LRP1B: variants seen among roughly 807,000 people sequenced by gnomAD.
LRP1B encodes low-density lipoprotein receptor-related protein 1B.
In LRP1B, 217 loss-of-function variants were observed where a neutral mutation model predicts 556.6. That is an observed-to-expected ratio of 0.39 (90% CI 0.35 to 0.44). The LOEUF is 0.44. LRP1B is among the 20% of genes least tolerant of loss of function. The pLI is 1.00. For synonymous variants in LRP1B, 2,047 were observed against 1,865.8 expected, an observed-to-expected ratio of 1.10 and a Z score of -2.50; for missense variants, 5,053 against 5,620.8, an observed-to-expected ratio of 0.90 and a Z score of 3.23.
At chr2:141,124,911 G>A (rs943144314) in intron 7 of LRP1B, among the ~76,000 whole-genome samples, 5 of 152,206 alleles carry the variant, frequency 3.3e-5, no homozygotes, top group African/African-American at 1.2e-4. Context: ...AGAGTCAGCC[G>A]TGTCTGTTTT....
chr2:141,453,649 G>A (rs974305554), intron 3 of LRP1B, among the ~76,000 whole-genome samples: 2 of 151,980 alleles, frequency 1.3e-5, no homozygotes, highest in South Asian at 2.1e-4. Context: ...TGGGCTCAGC[G>A]GCCCACACCT....
At chr2:141,588,071 T>C (rs1285042372) in intron 2 of LRP1B, among the ~76,000 whole-genome samples, 1 of 151,988 alleles carries the variant, frequency 6.6e-6, no homozygotes, top group African/African-American at 2.4e-5. Flanking sequence ...AGTTTTGCCA[T>C]GTAAGTATTT....
At chr2:140,500,496 A>G (rs1305744992) in intron 55 of LRP1B, among the ~76,000 whole-genome samples, 1 of 152,012 alleles carries the variant, frequency 6.6e-6, no homozygotes, top group Non-Finnish European at 1.5e-5. Flanking sequence ...TAGCCACTGC[A>G]GAAACACTTT....
intron 1 of LRP1B, among the ~76,000 whole-genome samples, chr2:141,811,297 T>A (rs941151612): frequency 1.3e-5 from 2 of 152,066 alleles, no homozygotes; most frequent in Non-Finnish European, 2.9e-5. Flanking sequence ...AATTTTGTTG[T>A]ATGTATATAA....
chr2:141,925,487 G>T (rs559902253), intron 1 of LRP1B, among the ~76,000 whole-genome samples: 1 of 152,250 alleles, frequency 6.6e-6, no homozygotes, highest in East Asian at 1.9e-4. Context: ...AGCTAAAGGA[G>T]AGGAATTCAT....
intron 43 of LRP1B, among the ~76,000 whole-genome samples, chr2:140,550,235 A>G (rs970569040): frequency 6.6e-6 from 1 of 152,006 alleles, no homozygotes; most frequent in African/African-American, 2.4e-5. Context: ...GGGTTTCTTC[A>G]TCTGTTTTCT....
chr2:141,918,473 G>A lies in LRP1B; in HGVS notation c.83-108072C>T, dbSNP rs936843240. Among the ~76,000 whole-genome samples, 5 of 151,916 alleles carry A rather than the reference G, an allele frequency of 3.3e-5. No individual in the cohort carries two copies. The East Asian group carries it at 7.7e-4, about 23-fold the overall frequency. On this transcript the variant is annotated intron_variant, in intron 1 of 90. Coordinates refer to ENST00000389484, the MANE Select transcript of LRP1B (RefSeq NM_018557.3). ...GATTTTTTTTCAGTTTTGAAAGGTA[G>A]GAGGCAAAGAAACTGGAGAAGAGAA...
intron 7 of LRP1B, among the ~76,000 whole-genome samples, chr2:141,172,788 A>G (rs1296215887): frequency 6.6e-6 from 1 of 152,056 alleles, no homozygotes; most frequent in Non-Finnish European, 1.5e-5. Flanking sequence ...TTCTCTACTA[A>G]GCAACCTGGA....
At chr2:141,794,895 C>G (rs1051875065) in intron 2 of LRP1B, among the ~76,000 whole-genome samples, 5 of 151,970 alleles carry the variant, frequency 3.3e-5, no homozygotes, top group African/African-American at 9.7e-5. Flanking sequence ...GTACACACAA[C>G]TATATTGGGT....
At chr2:140,557,087 T>G (rs1335262731) in intron 43 of LRP1B, among the ~76,000 whole-genome samples, 33 of 152,110 alleles carry the variant, frequency 2.2e-4, no homozygotes, top group Admixed American at 2.0e-3. Flanking sequence ...TAACTATGCA[T>G]CTAGTTTTCA....
chr2:141,167,728 G>A (rs1216277036), intron 7 of LRP1B, among the ~76,000 whole-genome samples: 1 of 151,806 alleles, frequency 6.6e-6, no homozygotes, highest in African/African-American at 2.4e-5. Context: ...TTTATTTGAT[G>A]TCTCATATTC....
At chr2:140,468,866 G>A (rs531678281) in intron 60 of LRP1B, among the ~76,000 whole-genome samples, 1 of 152,102 alleles carries the variant, frequency 6.6e-6, no homozygotes, top group East Asian at 1.9e-4. Flanking sequence ...TCTCCTTTTT[G>A]GAATGGAAAT....
chr2:141,247,207 A>G lies in LRP1B; in HGVS notation c.592+19T>C, dbSNP rs1221307866. The G allele has an allele frequency of 2.0e-5, 33 of 1,612,904 alleles. No homozygotes were observed. The highest frequency in any genetic ancestry group is 2.8e-5 in the Non-Finnish European group (33 of 1,179,490). On this transcript the variant is annotated intron_variant, in intron 5 of 90. Coordinates refer to ENST00000389484, the MANE Select transcript of LRP1B (RefSeq NM_018557.3). ...ACAAGTAATTCTGGAAAGACAAAAA[A>G]TAAATGGTCATAACTTACCAATTTT...
intron 20 of LRP1B, among the ~76,000 whole-genome samples, chr2:140,938,819 A>AT (rs5834790): frequency 0.59 from 89,530 of 151,698 alleles, 28,178 homozygotes; most frequent in Non-Finnish European, 0.68. Context: ...ACGGGCATTT[A>AT]TTGCTAAATG....
chr2:140,418,657 C>T (rs1001757081), intron 66 of LRP1B, among the ~76,000 whole-genome samples: 6 of 151,196 alleles, frequency 4.0e-5, no homozygotes, highest in East Asian at 1.9e-4. Context: ...CTTTGGGGGT[C>T]GGTGTTTCCC....
At chr2:140,683,870 C>A in intron 41 of LRP1B, 1 of 575,250 alleles carries the variant, frequency 1.7e-6, no homozygotes, top group East Asian at 3.1e-5. Context: ...GCCCCCTGCG[C>A]CTGGGCCCTG....
In LRP1B at chr2:141,170,347, T is replaced by C. The variant is rs138499040; in HGVS notation, c.1013+18074A>G. Among the ~76,000 whole-genome samples the C allele has an allele frequency of 2.4e-3, 359 of 152,214 alleles. 6 individuals carry two copies. In the East Asian group the frequency reaches 0.034, roughly 15 times the overall value. On this transcript the variant is annotated intron_variant, in intron 7 of 90. Transcript: ENST00000389484. ...GCTAGCAAGGTCTCACACGGAACTT[T>C]AGCTCTGTGGAGAAAGCATGGTTAT... is the stretch of plus-strand genomic sequence containing the variant.
intron 3 of LRP1B, among the ~76,000 whole-genome samples, chr2:141,304,754 G>A (rs1000362200): frequency 1.3e-5 from 2 of 151,972 alleles, no homozygotes; most frequent in Non-Finnish European, 2.9e-5. Context: ...ACCCGCCTCA[G>A]CCTCCCAAAG....
intron 1 of LRP1B, among the ~76,000 whole-genome samples, chr2:142,014,845 A>G (rs978220719): frequency 4.6e-5 from 7 of 152,172 alleles, no homozygotes; most frequent in Non-Finnish European, 7.4e-5. Context: ...CCCAAAACCT[A>G]TTCTCAGACC....
Sources: gnomAD v4.1 joint callset for allele counts (sites outside exome capture counted in the v4.1 genomes callset) on GRCh38, gnomAD v4.1.1 for gene constraint, MANE v1.5 for transcripts, NCBI Gene and HGNC (gene_info 2026-07-23, HGNC 2026-07-21) for gene names.